Variants in KCNQ1OT1 observed in about 807,000 individuals in gnomAD.
KCNQ1OT1 encodes KCNQ1 opposite strand/antisense transcript 1, also known as KCNQ1 antisense RNA 2 (non-protein coding).
chr11:2,665,209 G>A (rs1850044137), exon 1 of KCNQ1OT1: 1 of 398,586 alleles, frequency 2.5e-6, no homozygotes, highest in South Asian at 1.3e-4. Flanking sequence ...TCAGGCAGAA[G>A]CTGTCTTCCT....
chr11:2,626,967 T>C lies in KCNQ1OT1; in HGVS notation n.73028A>G, dbSNP rs1849271669. ...TTCTTCTTTCTGCAAATAACATCAT[T>C]AGGATTTTTATTGGGATTACCTTGG... On this transcript the variant is annotated non_coding_transcript_exon_variant, in exon 1 of 1. Transcript: ENST00000597346. This position sits in a 1 kb window ranked among gnomAD's most constrained non-coding sequence, Gnocchi z 4.0. 1 of 398,494 alleles carries C rather than the reference T, an allele frequency of 2.5e-6. No homozygotes were observed. Among genetic ancestry groups the C allele is most frequent in the South Asian group, 1.3e-4 (1 of 7,860 alleles). The allele number at this position is 398,494 out of a possible 1,614,324, so 24.7% of individuals were successfully genotyped here.
At chr11:2,629,540 C>T (rs576167658) in exon 1 of KCNQ1OT1, 7 of 398,428 alleles carry the variant, frequency 1.8e-5, no homozygotes, top group African/African-American at 1.4e-4. Flanking sequence ...ACTTCATTCT[C>T]TCACGTGAGG....
In KCNQ1OT1 at chr11:2,674,878, G is replaced by A; in HGVS notation, n.25117C>T. 2.5e-6 allele frequency: 1 copy of A among 396,564 alleles called. No homozygotes were observed. The allele number at this position is 396,564 out of a possible 1,614,324, so 24.6% of individuals were successfully genotyped here. Reference sequence around the variant, plus strand: ...AAAAAAAAGCTCACTGGGCACCTTGGCTGCAGGGTCTGAAAAGTCCTTTGT... The same window carrying A: ...AAAAAAAAGCTCACTGGGCACCTTGACTGCAGGGTCTGAAAAGTCCTTTGT... On this transcript the variant is annotated non_coding_transcript_exon_variant, in exon 1 of 1. Transcript: ENST00000597346. This position sits in a 1 kb window ranked among gnomAD's most constrained non-coding sequence, Gnocchi z 5.9.
chr11:2,673,708 T>C lies in KCNQ1OT1; in HGVS notation n.26287A>G, dbSNP rs1850231407. On this transcript the variant is annotated non_coding_transcript_exon_variant, in exon 1 of 1. Transcript: ENST00000597346. This position sits in a 1 kb window ranked among gnomAD's most constrained non-coding sequence, Gnocchi z 4.5. ...ATGTTTAATTCCTGAGGTTGCTGAA[T>C]CTCAGGGCTTGGAAGGCCCAGACTG... is the stretch of plus-strand genomic sequence containing the variant. The C allele has an allele frequency of 7.5e-6, 3 of 398,480 alleles. No homozygotes were observed. In the South Asian group the frequency reaches 3.8e-4, roughly 51 times the overall value. The allele number at this position is 398,480 out of a possible 1,614,324, so 24.7% of individuals were successfully genotyped here. A position where few individuals can be genotyped will look rare whatever the true frequency, so the allele number is the denominator to read the frequency against.
chr11:2,613,436 TTTCTATGGAA>T lies in KCNQ1OT1; in HGVS notation n.86549_86558del. On this transcript the variant is annotated non_coding_transcript_exon_variant, in exon 1 of 1. Coordinates refer to ENST00000597346, the Ensembl canonical transcript of KCNQ1OT1. The surrounding 1 kb of genome is among the most constrained non-coding windows in gnomAD (Gnocchi z 4.8). ...TGTTGCTTAACATAGTGCATAGGGT[TTTCTATGGAA>T]TTCAAAATCAGATGAGCCTTCTTTG... 2.5e-6 allele frequency: 1 copy of T among 398,574 alleles called. No homozygotes were observed. The highest frequency in any genetic ancestry group is 4.4e-6 in the Non-Finnish European group (1 of 226,068). The allele number at this position is 398,574 out of a possible 1,614,324, so 24.7% of individuals were successfully genotyped here.
In KCNQ1OT1 at chr11:2,695,200, T is replaced by C; in HGVS notation, n.4795A>G. 1 of 398,658 alleles carries C rather than the reference T, an allele frequency of 2.5e-6. No individual in the cohort carries two copies. Among genetic ancestry groups the C allele is most frequent in the Non-Finnish European group, 4.4e-6 (1 of 226,092 alleles). The allele number at this position is 398,658 out of a possible 1,614,324, so 24.7% of individuals were successfully genotyped here. A position where few individuals can be genotyped will look rare whatever the true frequency, so the allele number is the denominator to read the frequency against. ...ACAGCCCTCAGCCTATGAAACACTGTCACCCTGTAAGGGTCTGCATAAAGT... is the reference window on the plus strand; with the variant it reads ...ACAGCCCTCAGCCTATGAAACACTGCCACCCTGTAAGGGTCTGCATAAAGT... On this transcript the variant is annotated non_coding_transcript_exon_variant, in exon 1 of 1. Transcript: ENST00000597346. The surrounding 1 kb of genome is among the most constrained non-coding windows in gnomAD (Gnocchi z 5.2).
rs541925016 is a variant in KCNQ1OT1 at position 2,698,376 on chromosome 11, A to G, written n.1619T>C. On this transcript the variant is annotated non_coding_transcript_exon_variant, in exon 1 of 1. Transcript: ENST00000597346. This position sits in a 1 kb window ranked among gnomAD's most constrained non-coding sequence, Gnocchi z 5.1. ...ATATAAAAGGCTATTTGACCTGCTC[A>G]GGGACCACAGTGGGGTACTGGGATC... 3 of 398,610 alleles carry G rather than the reference A, an allele frequency of 7.5e-6. No homozygotes were observed. The East Asian group carries it at 1.1e-4, about 14-fold the overall frequency. 24.7% of individuals were successfully genotyped at this position (398,610 alleles called of 1,614,324 possible).
chr11:2,668,703 C>G lies in KCNQ1OT1; in HGVS notation n.31292G>C. The G allele has an allele frequency of 2.5e-6, 1 of 398,614 alleles. No individual in the cohort carries two copies. Among genetic ancestry groups the G allele is most frequent in the Non-Finnish European group, 4.4e-6 (1 of 226,068 alleles). 24.7% of individuals were successfully genotyped at this position (398,614 alleles called of 1,614,324 possible). On this transcript the variant is annotated non_coding_transcript_exon_variant, in exon 1 of 1. Transcript: ENST00000597346. The surrounding 1 kb of genome is among the most constrained non-coding windows in gnomAD (Gnocchi z 4.3). The stretch of plus-strand genomic sequence containing the variant: ...AGAGAGAGATACACACACTCACACT[C>G]TCTCACAGACACACACATTGCAAAT...
At position 2,663,348 on chromosome 11, in the gene KCNQ1OT1, G is replaced by A; in HGVS notation, n.36647C>T. 2.5e-6 allele frequency: 1 copy of A among 398,802 alleles called. No individual in the cohort carries two copies. Among genetic ancestry groups the A allele is most frequent in the Middle Eastern group, 6.3e-4 (1 of 1,588 alleles). 24.7% of individuals were successfully genotyped at this position (398,802 alleles called of 1,614,324 possible). A position where few individuals can be genotyped will look rare whatever the true frequency, so the allele number is the denominator to read the frequency against. On this transcript the variant is annotated non_coding_transcript_exon_variant, in exon 1 of 1. Coordinates refer to ENST00000597346, the Ensembl canonical transcript of KCNQ1OT1. The surrounding 1 kb of genome is among the most constrained non-coding windows in gnomAD (Gnocchi z 5.2). ...GAGCAGAGGTGTGAGCAGGCTGGTA[G>A]CCAGATGGGCTGCCCAGGTACAGGT...
chr11:2,656,124 G>A (rs1445447084), exon 1 of KCNQ1OT1: 4 of 398,526 alleles, frequency 1.0e-5, no homozygotes, highest in Admixed American at 8.8e-5. Flanking sequence ...TCTAGCCTGT[G>A]CTCCATCGTT....
At position 2,647,359 on chromosome 11, in the gene KCNQ1OT1, C is replaced by T. The variant is rs572382764; in HGVS notation, n.52636G>A. On this transcript the variant is annotated non_coding_transcript_exon_variant, in exon 1 of 1. Coordinates refer to ENST00000597346, the Ensembl canonical transcript of KCNQ1OT1. The surrounding 1 kb of genome is among the most constrained non-coding windows in gnomAD (Gnocchi z 4.0). ...TATGGTGTATTATCTTTTTGATGTG[C>T]GATTGGATTCAGATTGCTAGTTTGT... 27 of 398,338 alleles carry T rather than the reference C, an allele frequency of 6.8e-5. No homozygotes were observed. Among genetic ancestry groups the T allele is most frequent in the African/African-American group, 4.1e-4 (20 of 48,650 alleles). The allele number at this position is 398,338 out of a possible 1,614,324, so 24.7% of individuals were successfully genotyped here.
chr11:2,689,217 A>G (rs181941410), exon 1 of KCNQ1OT1: 63 of 398,758 alleles, frequency 1.6e-4, no homozygotes, highest in African/African-American at 1.0e-3. Context: ...ACTTTGATGC[A>G]GTGGTTTAGG....
Position 2,663,891 on chromosome 11 carries a change from C to T in KCNQ1OT1, n.36104G>A, listed in dbSNP as rs1480471935. On this transcript the variant is annotated non_coding_transcript_exon_variant, in exon 1 of 1. Transcript: ENST00000597346. This position sits in a 1 kb window ranked among gnomAD's most constrained non-coding sequence, Gnocchi z 5.2. ...CACCTGCCCAAGGGTGACCCCAAGC[C>T]AGTGTGGCTGTGTCATCTAGGACAC... 2.5e-6 allele frequency: 1 copy of T among 398,590 alleles called. No homozygotes were observed. The highest frequency in any genetic ancestry group is 4.4e-6 in the Non-Finnish European group (1 of 226,126). 24.7% of individuals were successfully genotyped at this position (398,590 alleles called of 1,614,324 possible).
rs1003683492 is a variant in KCNQ1OT1, at chr11:2,623,361, C to T, written n.76634G>A. The T allele has an allele frequency of 1.3e-5, 5 of 398,438 alleles. No homozygotes were observed. Among genetic ancestry groups the T allele is most frequent in the East Asian group, 3.6e-5 (1 of 28,076 alleles). The allele number at this position is 398,438 out of a possible 1,614,324, so 24.7% of individuals were successfully genotyped here. A position where few individuals can be genotyped will look rare whatever the true frequency, so the allele number is the denominator to read the frequency against. On this transcript the variant is annotated non_coding_transcript_exon_variant, in exon 1 of 1. Coordinates refer to ENST00000597346, the Ensembl canonical transcript of KCNQ1OT1. This position sits in a 1 kb window ranked among gnomAD's most constrained non-coding sequence, Gnocchi z 5.2. ...CTACCATTATAGTATCATACAGATA[C>T]GTATATTTACATATATTTGTACATT...
At position 2,671,414 on chromosome 11, in the gene KCNQ1OT1, T is replaced by G. The variant is rs1850181621; in HGVS notation, n.28581A>C. On this transcript the variant is annotated non_coding_transcript_exon_variant, in exon 1 of 1. Transcript: ENST00000597346. This position sits in a 1 kb window ranked among gnomAD's most constrained non-coding sequence, Gnocchi z 4.7. ...TGCCTCTCCCAGGGTACTCTGGATG[T>G]GCACCCAGAGATTCTCCCACTTTAG... is the stretch of plus-strand genomic sequence containing the variant. The G allele has an allele frequency of 2.5e-6, 1 of 398,502 alleles. No homozygotes were observed. The highest frequency in any genetic ancestry group is 4.4e-5 in the Admixed American group (1 of 22,722). The allele number at this position is 398,502 out of a possible 1,614,324, so 24.7% of individuals were successfully genotyped here. A position where few individuals can be genotyped will look rare whatever the true frequency, so the allele number is the denominator to read the frequency against.
chr11:2,643,913 C>T lies in KCNQ1OT1; in HGVS notation n.56082G>A, dbSNP rs945607009. On this transcript the variant is annotated non_coding_transcript_exon_variant, in exon 1 of 1. Transcript: ENST00000597346. ...TTTGGTTTTGTTTTTTCTTTCAGCACTCTGCGTATATAATCCCATCCTCCT... is the reference window on the plus strand; with the variant it reads ...TTTGGTTTTGTTTTTTCTTTCAGCATTCTGCGTATATAATCCCATCCTCCT... The T allele has an allele frequency of 2.8e-5, 11 of 398,436 alleles. No individual in the cohort carries two copies. In the Admixed American group the frequency reaches 4.0e-4, roughly 14 times the overall value. 24.7% of individuals were successfully genotyped at this position (398,436 alleles called of 1,614,324 possible).
At position 2,621,640 on chromosome 11, in the gene KCNQ1OT1, T is replaced by C. The variant is rs964522090; in HGVS notation, n.78355A>G. ...TGGTTTTTTTCTAGGAATTTGTCCA[T>C]TTCCTCTAGGTTATCCAATTTGTTG... is the stretch of plus-strand genomic sequence containing the variant. On this transcript the variant is annotated non_coding_transcript_exon_variant, in exon 1 of 1. Transcript: ENST00000597346. This position sits in a 1 kb window ranked among gnomAD's most constrained non-coding sequence, Gnocchi z 5.7. 1.3e-5 allele frequency: 5 copies of C among 398,426 alleles called. No homozygotes were observed. Among genetic ancestry groups the C allele is most frequent in the Non-Finnish European group, 2.2e-5 (5 of 226,028 alleles). 24.7% of individuals were successfully genotyped at this position (398,426 alleles called of 1,614,324 possible).
chr11:2,676,432 G>T lies in KCNQ1OT1; in HGVS notation n.23563C>A. 1 of 398,664 alleles carries T rather than the reference G, an allele frequency of 2.5e-6. No individual in the cohort carries two copies. The highest frequency in any genetic ancestry group is 4.4e-5 in the Admixed American group (1 of 22,746). The allele number at this position is 398,664 out of a possible 1,614,324, so 24.7% of individuals were successfully genotyped here. ...AGCCCAATGGGCTGGGCTTTTCCCA[G>T]ATAGGACATGCTCACTGTTCTGCTC... On this transcript the variant is annotated non_coding_transcript_exon_variant, in exon 1 of 1. Coordinates refer to ENST00000597346, the Ensembl canonical transcript of KCNQ1OT1. The surrounding 1 kb of genome is among the most constrained non-coding windows in gnomAD (Gnocchi z 4.2).
chr11:2,639,731 T>C (rs1259440766), exon 1 of KCNQ1OT1: 2 of 152,382 alleles, frequency 1.3e-5, no homozygotes, highest in East Asian at 3.8e-4. Context: ...CACTACTCTT[T>C]TCAAAGCTGT....
Sources: gnomAD v4.1 joint callset for allele counts on GRCh38, gnomAD v4.1.1 for gene constraint, Gnocchi (gnomAD v3.1) non-coding constraint, MANE v1.5 for transcripts, NCBI Gene and HGNC (gene_info 2026-07-23, HGNC 2026-07-21) for gene names.